SNTG1: variants seen among roughly 807,000 people sequenced by gnomAD.
The protein encoded by SNTG1 is syntrophin gamma 1.
Under a neutral mutation model 74.7 loss-of-function variants are expected in SNTG1, and 39 were observed. The observed-to-expected ratio is 0.52, with a 90% CI of 0.40 to 0.68. SNTG1 has a LOEUF of 0.68. Among genes scored for constraint, SNTG1 ranks in the 30% least tolerant of loss-of-function variants. The pLI is 0.00. For missense variants in SNTG1, 685 were observed against 609.5 expected, an observed-to-expected ratio of 1.12 and a Z score of -1.30; for synonymous variants, 254 against 217.1, an observed-to-expected ratio of 1.17 and a Z score of -1.49.
intron 12 of SNTG1, among the ~76,000 whole-genome samples, chr8:50,564,635 G>A (rs1000381204): frequency 6.6e-6 from 1 of 152,030 alleles, no homozygotes; most frequent in East Asian, 1.9e-4. Flanking sequence ...TGAGATTTTA[G>A]TGTTGTTGCC....
intron 8 of SNTG1, among the ~76,000 whole-genome samples, chr8:50,476,860 A>ACACACACACACACG (rs1237339520): frequency 1.4e-5 from 2 of 147,576 alleles, no homozygotes; most frequent in Non-Finnish European, 3.0e-5. Flanking sequence ...ACACACAGAC[A>ACACACACACACACG]CACACACACA....
At chr8:50,127,323 C>T (rs780588007) in intron 1 of SNTG1, among the ~76,000 whole-genome samples, 2 of 152,022 alleles carry the variant, frequency 1.3e-5, no homozygotes, top group Non-Finnish European at 2.9e-5. Context: ...CTTAGGAATA[C>T]TAGAGGGAAT....
chr8:50,329,773 A>G (rs192529445), intron 2 of SNTG1, among the ~76,000 whole-genome samples: 1 of 152,118 alleles, frequency 6.6e-6, no homozygotes, highest in East Asian at 1.9e-4. Flanking sequence ...CTCCTTACTT[A>G]TGCAAATTTC....
rs2093575938 is a variant in SNTG1 at position 50,462,793 on chromosome 8, ACTCTTTTTT to A, written c.363+12065_363+12073del. Among the ~76,000 whole-genome samples the A allele has an allele frequency of 3.7e-4, 7 of 18,986 alleles. 2 individuals carry two copies. The highest frequency in any genetic ancestry group is 2.2e-3 in the South Asian group (1 of 452). The allele number at this position is 18,986 out of a possible 152,430, so 12.5% of individuals were successfully genotyped here. A position where few individuals can be genotyped will look rare whatever the true frequency, so the allele number is the denominator to read the frequency against. On this transcript the variant is annotated intron_variant, in intron 8 of 18. Coordinates refer to ENST00000642720, the MANE Select transcript of SNTG1 (RefSeq NM_018967.5). The stretch of plus-strand genomic sequence containing the variant: ...CAACTCAGTCGCATCTTCAGGTTCT[ACTCTTTTTT>A]TTTTTTTTTTTTTTTTTTTTTTTTT...
intron 2 of SNTG1, among the ~76,000 whole-genome samples, chr8:50,291,465 C>A (rs913831432): frequency 6.6e-6 from 1 of 151,936 alleles, no homozygotes; most frequent in Non-Finnish European, 1.5e-5. Context: ...AGCTTGTGCA[C>A]GTGCCATGTA....
At chr8:50,284,219 AAAT>A (rs1247672719) in intron 2 of SNTG1, among the ~76,000 whole-genome samples, 1 of 152,148 alleles carries the variant, frequency 6.6e-6, no homozygotes, top group Non-Finnish European at 1.5e-5. Flanking sequence ...TATTCTTATG[AAAT>A]GATAAACATT....
chr8:50,555,477 G>A (rs2094450622), intron 12 of SNTG1, among the ~76,000 whole-genome samples: 1 of 152,134 alleles, frequency 6.6e-6, no homozygotes. Context: ...CATAAAGAAA[G>A]AAATTAGGCA....
chr8:50,679,189 AT>A (rs1293193116), intron 15 of SNTG1, among the ~76,000 whole-genome samples: 1 of 151,958 alleles, frequency 6.6e-6, no homozygotes, highest in Non-Finnish European at 1.5e-5. Flanking sequence ...AAATAATCTT[AT>A]TTTTGTTTCT....
chr8:50,209,265 T>C (rs948726183), intron 2 of SNTG1, among the ~76,000 whole-genome samples: 2 of 152,194 alleles, frequency 1.3e-5, no homozygotes, highest in African/African-American at 4.8e-5. Context: ...CAAGAATGCC[T>C]GCCTGCCTCT....
chr8:50,690,502 T>G (rs1281388083), intron 15 of SNTG1, among the ~76,000 whole-genome samples: 1 of 152,216 alleles, frequency 6.6e-6, no homozygotes, highest in African/African-American at 2.4e-5. Flanking sequence ...CCTTTCATTA[T>G]TTACCCAGTA....
chr8:50,521,809 G>A (rs1050618627), intron 9 of SNTG1, among the ~76,000 whole-genome samples: 1 of 152,046 alleles, frequency 6.6e-6, no homozygotes, highest in African/African-American at 2.4e-5. Context: ...AAACACTCAT[G>A]AGATTGGAAC....
chr8:50,558,943 C>A (rs1489486690), intron 12 of SNTG1, among the ~76,000 whole-genome samples: 1 of 152,054 alleles, frequency 6.6e-6, no homozygotes, highest in East Asian at 1.9e-4. Flanking sequence ...GTGTCAGATA[C>A]TGTGTTCTAT....
chr8:50,508,882 C>G (rs2094036188), intron 9 of SNTG1, among the ~76,000 whole-genome samples: 1 of 152,146 alleles, frequency 6.6e-6, no homozygotes, highest in Non-Finnish European at 1.5e-5. Context: ...CCTGTTCACT[C>G]TGATGGTGGT....
intron 2 of SNTG1, among the ~76,000 whole-genome samples, chr8:50,299,346 A>G (rs1406781051): frequency 1.3e-5 from 2 of 151,832 alleles, no homozygotes; most frequent in Admixed American, 6.6e-5. Context: ...CTTCCTCCTC[A>G]TTATTGTTAT....
At chr8:49,982,847 A>G (rs1453745092) in intron 1 of SNTG1, among the ~76,000 whole-genome samples, 1 of 152,222 alleles carries the variant, frequency 6.6e-6, no homozygotes, top group Non-Finnish European at 1.5e-5. Context: ...AGAAGATGTC[A>G]GAATACTTCA....
intron 1 of SNTG1, among the ~76,000 whole-genome samples, chr8:50,002,961 C>T (rs1423120483): frequency 6.6e-6 from 1 of 152,112 alleles, no homozygotes; most frequent in African/African-American, 2.4e-5. Context: ...GAAATGAACT[C>T]TGACAACATT....
At chr8:50,574,802 A>T (rs780273847) in intron 12 of SNTG1, among the ~76,000 whole-genome samples, 2 of 152,158 alleles carry the variant, frequency 1.3e-5, no homozygotes, top group Non-Finnish European at 2.9e-5. Context: ...TTTTTGGTGT[A>T]CCAGTCAATG....
chr8:50,011,960 T>C (rs1013830377), intron 1 of SNTG1: 8 of 152,158 alleles, frequency 5.3e-5, no homozygotes, highest in Non-Finnish European at 1.2e-4. Flanking sequence ...CACCTTTTTT[T>C]CCTTTATATT....
chr8:50,343,264 G>T lies in SNTG1; in HGVS notation c.-27-50948G>T, dbSNP rs75368293. On this transcript the variant is annotated intron_variant, in intron 2 of 18. Coordinates refer to ENST00000642720, the MANE Select transcript of SNTG1 (RefSeq NM_018967.5). ...AACGACCATCAGCATTGATTCAATA[G>T]ATTACATGGCATTAATTACAAAGTA... Among the ~76,000 whole-genome samples the T allele has an allele frequency of 3.3e-3, 505 of 152,274 alleles. 2 individuals are homozygous for T. Among genetic ancestry groups the T allele is most frequent in the African/African-American group, 0.012 (487 of 41,570 alleles).
Sources: gnomAD v4.1 joint callset for allele counts (sites outside exome capture counted in the v4.1 genomes callset) on GRCh38, gnomAD v4.1.1 for gene constraint, MANE v1.5 for transcripts, NCBI Gene and HGNC (gene_info 2026-07-23, HGNC 2026-07-21) for gene names.